ANKRD30B: variants seen among roughly 807,000 people sequenced by gnomAD.
ANKRD30B encodes the protein ankyrin repeat domain 30B.
ANKRD30B carries 144 observed loss-of-function variants against 202.2 expected under a neutral mutation model. The observed-to-expected ratio is 0.71, with a 90% CI of 0.62 to 0.82. The LOEUF (loss-of-function observed/expected upper bound fraction) is 0.82. ANKRD30B is among the 40% of genes least tolerant of loss of function. ANKRD30B has a pLI of 0.00. For synonymous variants in ANKRD30B, 508 were observed against 561.3 expected, an observed-to-expected ratio of 0.91 and a Z score of 1.34; for missense variants, 1,487 against 1,669.1, an observed-to-expected ratio of 0.89 and a Z score of 1.90.
chr18:14,855,423 C>G (rs1476636215), downstream of ANKRD30B, among the ~76,000 whole-genome samples: 3 of 152,240 alleles, frequency 2.0e-5, no homozygotes, highest in African/African-American at 7.2e-5. Context: ...GCTGTCTCTT[C>G]GAAGCTGTTG....
intron 15 of ANKRD30B, among the ~76,000 whole-genome samples, chr18:14,790,888 G>T (rs1180694070): frequency 1.3e-5 from 2 of 151,990 alleles, no homozygotes. Flanking sequence ...TTTGGTATCA[G>T]GATGATGCTG....
At chr18:14,830,560 T>C in intron 33 of ANKRD30B, among the ~76,000 whole-genome samples, 1 of 152,100 alleles carries the variant, frequency 6.6e-6, no homozygotes. Context: ...TTTTAAGTGG[T>C]TTTTATGCTG....
At chr18:14,875,263 G>A in the ANKRD30B span, among the ~76,000 whole-genome samples, 2 of 152,152 alleles carry the variant, frequency 1.3e-5, no homozygotes, top group Non-Finnish European at 2.9e-5. Context: ...GCAGACTTTC[G>A]GGAATGATGG....
chr18:14,763,948 C>T lies in ANKRD30B; in HGVS notation c.1083C>T (p.Ile361=). ...SWPAKERSRK[I]TWEEKETSVK... is the part of the protein sequence containing the mutation. ...CAGCAAAAGAAAGATCTAGGAAGAT[C>T]ACATGGGAGGAAAAAGAAACATCTG... The change falls in exon 7 of 44, where the codon ATC becomes ATT. Residue 361 remains isoleucine (I), a synonymous_variant. Coordinates refer to ENST00000690538, the MANE Select transcript of ANKRD30B (RefSeq NM_001367607.2). 6.2e-7 allele frequency: 1 copy of T among 1,609,572 alleles called. No homozygotes were observed. Among genetic ancestry groups the T allele is most frequent in the Non-Finnish European group, 8.5e-7 (1 of 1,177,674 alleles).
chr18:14,837,431 A>G (rs1337815393), intron 35 of ANKRD30B, 142 bp downstream of exon 35: 10 of 857,450 alleles, frequency 1.2e-5, no homozygotes, highest in Admixed American at 3.3e-5. Context: ...AAAAAAGTAC[A>G]TTTTGATATC....
the ANKRD30B span, among the ~76,000 whole-genome samples, chr18:14,873,803 G>A: frequency 6.6e-6 from 1 of 152,176 alleles, no homozygotes; most frequent in Non-Finnish European, 1.5e-5. Flanking sequence ...TCTGTGGGCA[G>A]CAGAGAACCA....
At position 14,768,707 on chromosome 18, in the gene ANKRD30B, T is replaced by C. The variant is rs551375904; in HGVS notation, c.1226-636T>C. Among the ~76,000 whole-genome samples, 18 of 152,276 alleles carry C rather than the reference T, an allele frequency of 1.2e-4. No homozygotes were observed. The East Asian group carries it at 1.4e-3, about 11-fold the overall frequency. On this transcript the variant is annotated intron_variant, in intron 7 of 43. Transcript: ENST00000690538. ...AGGGAAATCATGTTGTGTGTGTTTCTTTCTACACATAGAGCAGATAAAGAG... is the reference window on the plus strand; with the variant it reads ...AGGGAAATCATGTTGTGTGTGTTTCCTTCTACACATAGAGCAGATAAAGAG...
At chr18:14,800,268 T>A (rs1477038208) in intron 22 of ANKRD30B, among the ~76,000 whole-genome samples, 1 of 150,062 alleles carries the variant, frequency 6.7e-6, no homozygotes, top group African/African-American at 2.5e-5. Flanking sequence ...TGTGTGTGGT[T>A]CTGACTATGT....
intron 4 of ANKRD30B, among the ~76,000 whole-genome samples, chr18:14,756,255 GT>G: frequency 6.6e-6 from 1 of 152,178 alleles, no homozygotes; most frequent in Middle Eastern, 3.4e-3. Flanking sequence ...GGGGTTGTTT[GT>G]TTTTTTCTTG....
At chr18:14,774,502 A>G (rs573995353) in intron 9 of ANKRD30B, among the ~76,000 whole-genome samples, 2 of 152,270 alleles carry the variant, frequency 1.3e-5, no homozygotes, top group South Asian at 4.1e-4. Context: ...TATGATTTTC[A>G]TTAATCAATC....
intron 37 of ANKRD30B, among the ~76,000 whole-genome samples, chr18:14,841,311 G>C (rs1175856133): frequency 1.3e-5 from 2 of 152,144 alleles, no homozygotes; most frequent in Admixed American, 6.5e-5. Flanking sequence ...AACAATGCAC[G>C]CTGTGACTCA....
chr18:14,831,473 T>A lies in ANKRD30B; in HGVS notation c.2847+18T>A. Reference sequence around the variant, plus strand: ...CTACCAAGGTAAAATAGTCTCTTGTTAAATTGATTTTCTCAGTTGGAATCT... The same window carrying A: ...CTACCAAGGTAAAATAGTCTCTTGTAAAATTGATTTTCTCAGTTGGAATCT... On this transcript the variant is annotated intron_variant, in intron 34 of 43. Coordinates refer to ENST00000690538, the MANE Select transcript of ANKRD30B (RefSeq NM_001367607.2). 7.2e-7 allele frequency: 1 copy of A among 1,391,962 alleles called. No homozygotes were observed. Among genetic ancestry groups the A allele is most frequent in the East Asian group, 2.5e-5 (1 of 39,894 alleles). 86.2% of individuals were successfully genotyped at this position (1,391,962 alleles called of 1,614,324 possible).
At chr18:14,784,937 C>A (rs1220904092) in intron 14 of ANKRD30B, among the ~76,000 whole-genome samples, 2 of 152,040 alleles carry the variant, frequency 1.3e-5, no homozygotes, top group African/African-American at 2.4e-5. Context: ...ATATTAATTA[C>A]CTCATTTCCG....
intron 15 of ANKRD30B, among the ~76,000 whole-genome samples, chr18:14,790,859 T>G (rs12326968): frequency 0.5 from 76,046 of 150,690 alleles, 19,277 homozygotes; most frequent in Non-Finnish European, 0.52. Context: ...CTCTTTTTTT[T>G]GTTGTGTCTC....
intron 15 of ANKRD30B, 86 bp from the exon 16 acceptor site, chr18:14,791,314 TA>T: frequency 3.5e-6 from 4 of 1,146,550 alleles, no homozygotes; most frequent in Non-Finnish European, 5.0e-6. Context: ...ATTGTGTTTT[TA>T]AAAAAGATTC....
the ANKRD30B span, among the ~76,000 whole-genome samples, chr18:14,883,236 T>A: frequency 2.6e-5 from 4 of 151,908 alleles, no homozygotes; most frequent in Non-Finnish European, 4.4e-5. Flanking sequence ...CACATTAGAA[T>A]CTTCTGGGGA....
At chr18:14,913,961 C>T in the ANKRD30B span, among the ~76,000 whole-genome samples, 2 of 152,038 alleles carry the variant, frequency 1.3e-5, no homozygotes, top group Non-Finnish European at 2.9e-5. Flanking sequence ...TAATTTTGTT[C>T]CTGTTTTATA....
At chr18:14,797,352 G>T (rs1421940258) in intron 18 of ANKRD30B, among the ~76,000 whole-genome samples, 1 of 152,144 alleles carries the variant, frequency 6.6e-6, no homozygotes, top group Admixed American at 6.5e-5. Flanking sequence ...TCTGCAGGGG[G>T]AAGCACATCA....
At chr18:14,749,894 A>T (rs1913154811) in intron 1 of ANKRD30B, among the ~76,000 whole-genome samples, 1 of 151,954 alleles carries the variant, frequency 6.6e-6, no homozygotes, top group South Asian at 2.1e-4. Flanking sequence ...TTAGTTTCAT[A>T]AGTGAAATGC....
Sources: allele counts gnomAD v4.1 joint callset (sites outside exome capture counted in the v4.1 genomes callset), GRCh38; gene constraint gnomAD v4.1.1; transcripts MANE v1.5; gene names NCBI Gene and HGNC (gene_info 2026-07-23, HGNC 2026-07-21).